The following MEIS2 variants were observed in gnomAD, a reference collection of about 807,000 sequenced individuals.
MEIS2 encodes Meis homeobox 2.
MEIS2 carries 9 observed loss-of-function variants against 58.6 expected under a neutral mutation model. The ratio of observed to expected loss-of-function variants is 0.15; its 90% CI spans 0.09 to 0.27. The LOEUF is 0.27. MEIS2 is among the 10% of genes least tolerant of loss of function. The probability of loss-of-function intolerance (pLI) is 1.00; values close to 1 mark genes in which losing one functional copy is unlikely to be tolerated. For missense variants in MEIS2, 427 were observed against 635.0 expected, an observed-to-expected ratio of 0.67 and a Z score of 3.52; for synonymous variants, 221 against 228.4, an observed-to-expected ratio of 0.97 and a Z score of 0.29.
chr15:37,030,663 T>C (rs952037846), intron 8 of MEIS2, among the ~76,000 whole-genome samples: 1 of 129,048 alleles, frequency 7.7e-6, no homozygotes, highest in Non-Finnish European at 1.8e-5. Context: ...TATTATTATT[T>C]TTTCTTTGAG....
intron 9 of MEIS2, among the ~76,000 whole-genome samples, chr15:36,931,524 T>C (rs2057977351): frequency 6.6e-6 from 1 of 152,236 alleles, no homozygotes; most frequent in Admixed American, 6.5e-5. Context: ...GAAACAACGT[T>C]GATGCTTGCT....
intron 1 of MEIS2, chr15:37,099,015 A>G (rs1567301948): frequency 7.1e-6 from 7 of 983,332 alleles, no homozygotes; most frequent in South Asian, 4.5e-5. Context: ...GCGCGGCCCC[A>G]GCGGCGGCCC....
In MEIS2 at chr15:36,891,148, A is replaced by G. The variant is rs2055829881; in HGVS notation, c.*1025T>C. Reference sequence around the variant, plus strand: ...AAATTTGACAAAGCTTAAAGGTAACAGCATTTTCTTCTAGTGAGGAACACG... The same window carrying G: ...AAATTTGACAAAGCTTAAAGGTAACGGCATTTTCTTCTAGTGAGGAACACG... On this transcript the variant is annotated 3_prime_UTR_variant, in exon 12 of 12. Transcript: ENST00000561208. 1 of 152,624 alleles carries G rather than the reference A, an allele frequency of 6.6e-6. No individual in the cohort carries two copies. Among genetic ancestry groups the G allele is most frequent in the Admixed American group, 6.5e-5 (1 of 15,284 alleles). 9.5% of individuals were successfully genotyped at this position (152,624 alleles called of 1,614,324 possible).
At chr15:36,902,012 G>A (rs562464808) in intron 9 of MEIS2, among the ~76,000 whole-genome samples, 1 of 152,290 alleles carries the variant, frequency 6.6e-6, no homozygotes, top group East Asian at 1.9e-4. Flanking sequence ...TGTGAATTTG[G>A]ACAGTTCTTC....
intron 9 of MEIS2, among the ~76,000 whole-genome samples, chr15:36,922,337 CG>C (rs918572599): frequency 1.3e-5 from 2 of 151,978 alleles, no homozygotes; most frequent in Non-Finnish European, 2.9e-5. Flanking sequence ...AAAAGTGCCC[CG>C]AAAACTGTAA....
intron 2 of MEIS2, among the ~76,000 whole-genome samples, chr15:37,096,892 G>A (rs1489824680): frequency 2.0e-5 from 3 of 152,146 alleles, no homozygotes; most frequent in Non-Finnish European, 2.9e-5. Flanking sequence ...CATTTCAGAC[G>A]AGGCCAAAGG....
At chr15:37,019,636 G>A (rs574995687) in intron 8 of MEIS2, among the ~76,000 whole-genome samples, 1 of 152,304 alleles carries the variant, frequency 6.6e-6, no homozygotes, top group South Asian at 2.1e-4. Context: ...TCTGGTTTGT[G>A]CACATGCATA....
intron 8 of MEIS2, among the ~76,000 whole-genome samples, chr15:36,962,958 G>A (rs1351327265): frequency 6.6e-6 from 1 of 152,204 alleles, no homozygotes; most frequent in Non-Finnish European, 1.5e-5. Flanking sequence ...GACATTTACT[G>A]ACAGGAGGTA....
At chr15:36,961,808 T>C (rs1184499705) in intron 8 of MEIS2, among the ~76,000 whole-genome samples, 2 of 152,128 alleles carry the variant, frequency 1.3e-5, no homozygotes, top group Non-Finnish European at 2.9e-5. Flanking sequence ...CATGTGAAGG[T>C]ATACACCAGC....
At chr15:36,922,496 G>T (rs2057556050) in intron 9 of MEIS2, among the ~76,000 whole-genome samples, 1 of 151,506 alleles carries the variant, frequency 6.6e-6, no homozygotes, top group African/African-American at 2.4e-5. Flanking sequence ...CATTTTACGG[G>T]AGTTCATCTA....
chr15:36,934,215 T>C (rs997322606), intron 9 of MEIS2, among the ~76,000 whole-genome samples: 1 of 152,098 alleles, frequency 6.6e-6, no homozygotes, highest in African/African-American at 2.4e-5. Context: ...ATATGAACAG[T>C]TGAAATTTAA....
intron 9 of MEIS2, among the ~76,000 whole-genome samples, chr15:36,917,025 G>C (rs940552476): frequency 6.6e-6 from 1 of 152,134 alleles, no homozygotes; most frequent in African/African-American, 2.4e-5. Context: ...ACACATACAC[G>C]CATGCGTGCA....
intron 8 of MEIS2, among the ~76,000 whole-genome samples, chr15:36,990,929 T>C (rs1274520982): frequency 2.0e-5 from 3 of 152,170 alleles, no homozygotes; most frequent in Non-Finnish European, 4.4e-5. Flanking sequence ...ACAAGACTAT[T>C]AGGCTTTTTC....
At chr15:37,075,648 G>C (rs1301766554) in intron 7 of MEIS2, among the ~76,000 whole-genome samples, 3 of 152,070 alleles carry the variant, frequency 2.0e-5, no homozygotes, top group Admixed American at 2.0e-4. Context: ...AATCGAAGAA[G>C]TGATAATCTG....
intron 9 of MEIS2, among the ~76,000 whole-genome samples, chr15:36,931,029 G>A (rs2057957161): frequency 6.6e-6 from 1 of 152,064 alleles, no homozygotes; most frequent in Non-Finnish European, 1.5e-5. Flanking sequence ...ATTTTTTTCT[G>A]TATTGGTTCA....
intron 8 of MEIS2, among the ~76,000 whole-genome samples, chr15:37,027,416 T>C (rs2061743189): frequency 6.6e-6 from 1 of 152,192 alleles, no homozygotes; most frequent in Admixed American, 6.5e-5. Context: ...CACTTCTCCA[T>C]GGAATACACT....
chr15:36,964,333 A>G (rs764981307), intron 8 of MEIS2, among the ~76,000 whole-genome samples: 13 of 152,210 alleles, frequency 8.5e-5, no homozygotes, highest in African/African-American at 1.2e-4. Flanking sequence ...AGTATTTTGT[A>G]AGGGAATGAA....
chr15:37,041,619 AT>A (rs2062426774), intron 7 of MEIS2, among the ~76,000 whole-genome samples: 1 of 152,174 alleles, frequency 6.6e-6, no homozygotes. Context: ...TACCATCGGC[AT>A]CTGGGTGTAG....
At chr15:37,030,242 T>C (rs548216753) in intron 8 of MEIS2, among the ~76,000 whole-genome samples, 53 of 152,274 alleles carry the variant, frequency 3.5e-4, no homozygotes, top group African/African-American at 1.3e-3. Flanking sequence ...GCTCTGGCTT[T>C]CATGACACCA....
Sources: allele counts gnomAD v4.1 joint callset (sites outside exome capture counted in the v4.1 genomes callset), GRCh38; gene constraint gnomAD v4.1.1; transcripts MANE v1.5; gene names NCBI Gene and HGNC (gene_info 2026-07-23, HGNC 2026-07-21).